Variants in PTPRM observed in about 807,000 individuals in gnomAD.
The protein encoded by PTPRM is protein tyrosine phosphatase receptor type M.
A neutral mutation model predicts 186.7 loss-of-function variants in PTPRM; 47 were observed. The observed-to-expected ratio is 0.25, with a 90% CI of 0.20 to 0.32. PTPRM has a LOEUF of 0.32. Among genes scored for constraint, PTPRM ranks in the 10% least tolerant of loss-of-function variants. The probability of loss-of-function intolerance (pLI) is 1.00; values close to 1 mark genes in which losing one functional copy is unlikely to be tolerated. For missense variants in PTPRM, 1,494 were observed against 1,865.0 expected, an observed-to-expected ratio of 0.80 and a Z score of 3.66; for synonymous variants, 668 against 674.9, an observed-to-expected ratio of 0.99 and a Z score of 0.16.
At chr18:8,127,504 T>TA (rs530015599) in intron 13 of PTPRM, among the ~76,000 whole-genome samples, 47 of 151,764 alleles carry the variant, frequency 3.1e-4, no homozygotes, top group Non-Finnish European at 5.9e-4. Context: ...CACTGCTTTT[T>TA]AAAAAAAATA....
chr18:7,999,151 G>C (rs1395683059), intron 7 of PTPRM, among the ~76,000 whole-genome samples: 3 of 152,084 alleles, frequency 2.0e-5, no homozygotes, highest in Non-Finnish European at 2.9e-5. Context: ...CACTCACATA[G>C]CCCCACACTC....
chr18:8,161,834 G>A (rs74726836), intron 14 of PTPRM, among the ~76,000 whole-genome samples: 351 of 152,146 alleles, frequency 2.3e-3, no homozygotes, highest in African/African-American at 7.5e-3. Flanking sequence ...ATCCTACTTC[G>A]TGATAACTGG....
At chr18:8,161,207 G>T (rs916146285) in intron 14 of PTPRM, among the ~76,000 whole-genome samples, 2 of 152,136 alleles carry the variant, frequency 1.3e-5, no homozygotes, top group South Asian at 4.1e-4. Flanking sequence ...TGGCTCCTTG[G>T]GGGACACTTG....
At chr18:8,162,994 C>G (rs2093259366) in intron 14 of PTPRM, among the ~76,000 whole-genome samples, 1 of 152,208 alleles carries the variant, frequency 6.6e-6, no homozygotes. Context: ...CAGCCACACA[C>G]CTGCCCTCAG....
chr18:8,304,813 T>C (rs900386753), intron 20 of PTPRM, among the ~76,000 whole-genome samples: 6 of 111,362 alleles, frequency 5.4e-5, no homozygotes, highest in African/African-American at 2.1e-4. Flanking sequence ...CTTGAAGCTG[T>C]TGACTTTATT....
rs138437904 is a variant in PTPRM at position 8,178,750 on chromosome 18, G to A, written c.2300+34971G>A. ...TGCAGTGAGCCAAGATCGCATCACT[G>A]CCCTCCAGCCTGGGCAACAGATCAA... On this transcript the variant is annotated intron_variant, in intron 14 of 32. Transcript: ENST00000580170. Among the ~76,000 whole-genome samples the A allele has an allele frequency of 3.3e-3, 508 of 152,138 alleles. 3 individuals are homozygous for A. Among genetic ancestry groups the A allele is most frequent in the African/African-American group, 0.012 (482 of 41,502 alleles).
At chr18:8,052,296 G>T (rs1600270917) in intron 7 of PTPRM, among the ~76,000 whole-genome samples, 1 of 152,140 alleles carries the variant, frequency 6.6e-6, no homozygotes, top group East Asian at 1.9e-4. Flanking sequence ...GAGGCCTAGA[G>T]AGTTTTATAG....
rs556331300 is a variant in PTPRM, at chr18:7,837,454, C to G, written c.197-50652C>G. Reference sequence around the variant, plus strand: ...TAATTTCTTTGAGTTTCTTCAAACTCAAAACACATTTTTTTTTTGAGTCAG... The same window carrying G: ...TAATTTCTTTGAGTTTCTTCAAACTGAAAACACATTTTTTTTTTGAGTCAG... On this transcript the variant is annotated intron_variant, in intron 2 of 32. Transcript: ENST00000580170. Among the ~76,000 whole-genome samples the G allele has an allele frequency of 7.9e-5, 12 of 151,846 alleles. No individual in the cohort carries two copies. In the South Asian group the frequency reaches 2.5e-3, roughly 32 times the overall value.
chr18:7,641,331 ATTC>A, intron 1 of PTPRM, among the ~76,000 whole-genome samples: 1 of 152,358 alleles, frequency 6.6e-6, no homozygotes, highest in East Asian at 1.9e-4. Context: ...TCCTTAGTGA[ATTC>A]TTAGAAATGT....
At chr18:7,808,273 C>G (rs2044333876) in intron 2 of PTPRM, among the ~76,000 whole-genome samples, 3 of 151,746 alleles carry the variant, frequency 2.0e-5, no homozygotes, top group Non-Finnish European at 4.4e-5. Flanking sequence ...TGAAGTGGTG[C>G]AGACGGAGGT....
At chr18:8,358,268 C>G (rs978852421) in intron 23 of PTPRM, among the ~76,000 whole-genome samples, 2 of 151,702 alleles carry the variant, frequency 1.3e-5, no homozygotes, top group African/African-American at 4.9e-5. Flanking sequence ...CACACACACA[C>G]ACACACATGC....
chr18:7,836,292 G>C (rs936037389), intron 2 of PTPRM, among the ~76,000 whole-genome samples: 1 of 151,978 alleles, frequency 6.6e-6, no homozygotes, highest in Non-Finnish European at 1.5e-5. Context: ...TGCCATCAGG[G>C]TTGCAAATAC....
At chr18:7,884,382 C>T (rs940510731) in intron 2 of PTPRM, among the ~76,000 whole-genome samples, 1 of 152,122 alleles carries the variant, frequency 6.6e-6, no homozygotes, top group Non-Finnish European at 1.5e-5. Context: ...GGGGAAGGTG[C>T]TTGGCAGAGA....
chr18:7,781,641 C>T (rs997554130), intron 2 of PTPRM, among the ~76,000 whole-genome samples: 3 of 152,136 alleles, frequency 2.0e-5, no homozygotes, highest in African/African-American at 4.8e-5. Context: ...GTCTATCATT[C>T]GTTCCCATGT....
At chr18:7,730,571 T>C (rs1484251767) in intron 1 of PTPRM, among the ~76,000 whole-genome samples, 1 of 152,256 alleles carries the variant, frequency 6.6e-6, no homozygotes, top group African/African-American at 2.4e-5. Flanking sequence ...GTAGCTGGTC[T>C]GTATCACTCT....
intron 1 of PTPRM, among the ~76,000 whole-genome samples, chr18:7,577,760 A>G (rs997354508): frequency 3.3e-5 from 5 of 151,964 alleles, no homozygotes; most frequent in Non-Finnish European, 5.9e-5. Context: ...TCTCATTGGC[A>G]TTGTGTTCTG....
At chr18:7,934,690 A>G (rs930896789) in intron 5 of PTPRM, among the ~76,000 whole-genome samples, 8 of 152,186 alleles carry the variant, frequency 5.3e-5, no homozygotes, top group Non-Finnish European at 8.8e-5. Context: ...CATTTTTTTC[A>G]TTGATCCCTA....
At chr18:7,693,891 G>GA (rs901879291) in intron 1 of PTPRM, among the ~76,000 whole-genome samples, 3 of 149,866 alleles carry the variant, frequency 2.0e-5, no homozygotes, top group Non-Finnish European at 4.4e-5. Flanking sequence ...AGGAGTAGGG[G>GA]AAGGAAGAGA....
At chr18:7,843,452 A>C (rs2046448088) in intron 2 of PTPRM, among the ~76,000 whole-genome samples, 1 of 152,182 alleles carries the variant, frequency 6.6e-6, no homozygotes, top group Non-Finnish European at 1.5e-5. Flanking sequence ...TATTCAGGGC[A>C]TGTGAAGGAA....
Sources: gnomAD v4.1 joint callset for allele counts (sites outside exome capture counted in the v4.1 genomes callset) on GRCh38, gnomAD v4.1.1 for gene constraint, MANE v1.5 for transcripts, NCBI Gene and HGNC (gene_info 2026-07-23, HGNC 2026-07-21) for gene names.